The following ATP2C2 variants were observed in gnomAD, a reference collection of about 807,000 sequenced individuals.
ATP2C2 encodes calcium-transporting ATPase type 2C member 2.
A neutral mutation model predicts 110.8 loss-of-function variants in ATP2C2; 171 were observed. The observed-to-expected ratio is 1.54, with a 90% CI of 1.36 to 1.75. The LOEUF (loss-of-function observed/expected upper bound fraction) is 1.75, where lower values mean the gene tolerates loss of function less well. Among genes scored for constraint, ATP2C2 ranks in the 40% most tolerant of loss-of-function variants. The pLI is 0.00. For synonymous variants in ATP2C2, 804 were observed against 508.4 expected (o/e 1.58, Z -7.82); for missense variants, 1,963 against 1,235.0 (o/e 1.59, Z -8.84).
At chr16:84,387,465 TTG>T in intron 1 of ATP2C2, among the ~76,000 whole-genome samples, 1 of 152,210 alleles carries the variant, frequency 6.6e-6, no homozygotes, top group Non-Finnish European at 1.5e-5. Flanking sequence ...TGAGCCGAGA[TTG>T]CGCCATTGCA....
At chr16:84,375,449 A>G (rs1910194713) in intron 1 of ATP2C2, among the ~76,000 whole-genome samples, 1 of 152,062 alleles carries the variant, frequency 6.6e-6, no homozygotes, top group East Asian at 1.9e-4. Context: ...GCTGAGGCAG[A>G]AGAATCACTT....
At chr16:84,375,444 G>C (rs545557503) in intron 1 of ATP2C2, among the ~76,000 whole-genome samples, 2 of 152,106 alleles carry the variant, frequency 1.3e-5, no homozygotes, top group Admixed American at 1.3e-4. Flanking sequence ...GGGAGGCTGA[G>C]GCAGAAGAAT....
rs377539442 is a variant in ATP2C2 at position 84,402,247 on chromosome 16, A to G, written c.211-2881A>G. On this transcript the variant is annotated intron_variant, in intron 2 of 26. Coordinates refer to ENST00000262429, the MANE Select transcript of ATP2C2 (RefSeq NM_014861.4). ...GGAGTCTTTAGGTTTTTTCAGATAT[A>G]AGATCATATCATCTGCAAACAAGAA... Among the ~76,000 whole-genome samples the G allele has an allele frequency of 1.1e-4, 17 of 152,318 alleles. No individual in the cohort carries two copies. In the South Asian group the frequency reaches 1.9e-3, roughly 17 times the overall value.
chr16:84,377,762 C>G (rs1457513121), intron 1 of ATP2C2, among the ~76,000 whole-genome samples: 1 of 151,986 alleles, frequency 6.6e-6, no homozygotes. Flanking sequence ...AGTCCAACAC[C>G]ATGTTCTGTG....
chr16:84,448,745 T>A (rs1909993104), intron 17 of ATP2C2, 56 bp downstream of exon 17: 4 of 1,556,824 alleles, frequency 2.6e-6, no homozygotes, highest in Non-Finnish European at 2.6e-6. Flanking sequence ...CATTGACTTT[T>A]AAGTGCATTC....
chr16:84,382,594 T>C (rs906576453), intron 1 of ATP2C2, among the ~76,000 whole-genome samples: 46 of 152,158 alleles, frequency 3.0e-4, no homozygotes, highest in African/African-American at 1.0e-3. Flanking sequence ...AGGCTGACCA[T>C]AGACATGGCC....
intron 26 of ATP2C2, among the ~76,000 whole-genome samples, chr16:84,463,210 TCGC>T (rs879371700): frequency 0.11 from 2,333 of 21,812 alleles, 66 homozygotes; most frequent in African/African-American, 0.24. Context: ...AGGGAACATG[TCGC>T]TGGGAATTCA....
rs752496416 is a variant in ATP2C2, at chr16:84,439,516, C to T, written c.1201C>T (p.Arg401Cys). ...VTQLVTSDGL[R>C]AEVSGVGYDG... is the part of the protein sequence containing the mutation. ...CCAGCTTGTAACGTCAGATGGGCTT[C>T]GTGCCGAGGTGAGTGCCAAAGGAAT... The change falls in exon 13 of 27, where the codon CGT becomes TGT. Residue 401 changes from arginine to cysteine, a missense_variant. Transcript: ENST00000262429. The T allele has an allele frequency of 2.2e-5, 35 of 1,614,028 alleles. No individual in the cohort carries two copies. The highest frequency in any genetic ancestry group is 2.0e-4 in the Admixed American group (12 of 60,004).
intron 1 of ATP2C2, among the ~76,000 whole-genome samples, chr16:84,389,466 C>T (rs1425113094): frequency 1.3e-5 from 2 of 152,244 alleles, no homozygotes; most frequent in African/African-American, 4.8e-5. Flanking sequence ...GGTTGAATTT[C>T]AAACAATAAG....
chr16:84,459,766 A>C (rs1286666502), intron 23 of ATP2C2: 2 of 587,472 alleles, frequency 3.4e-6, no homozygotes, highest in Non-Finnish European at 6.0e-6. Flanking sequence ...AGGAAGATAC[A>C]CACAGACACA....
chr16:84,405,592 G>T (rs1183999654), intron 3 of ATP2C2, among the ~76,000 whole-genome samples: 2 of 152,158 alleles, frequency 1.3e-5, no homozygotes, highest in Non-Finnish European at 2.9e-5. Context: ...GAGTTGCCAG[G>T]TTTAGCAAAT....
At chr16:84,451,863 A>G in intron 17 of ATP2C2, 58 bp from the exon 18 acceptor site, 2 of 1,526,136 alleles carry the variant, frequency 1.3e-6, no homozygotes, top group African/African-American at 1.4e-5. Context: ...AACCAACAAC[A>G]AAAAACGACG....
Position 84,459,285 on chromosome 16 carries a change from G to A in ATP2C2, c.2232G>A (p.Leu744=), listed in dbSNP as rs188467730. 9.4e-4 allele frequency: 1,521 copies of A among 1,614,186 alleles called. 16 individuals carry two copies. The African/African-American group carries it at 0.018, about 19-fold the overall frequency. ...TGCCCCGCAGGAGCATCTCCGCCCT[G>A]AGTCTCATCACTCTGTCCACCGTGT... ...RFQLSTSISA[L]SLITLSTVFN... is the part of the protein sequence containing the mutation. The change falls in exon 23 of 27, where the codon CTG becomes CTA. Residue 744 remains leucine, a synonymous_variant. Coordinates refer to ENST00000262429, the MANE Select transcript of ATP2C2 (RefSeq NM_014861.4).
intron 14 of ATP2C2, among the ~76,000 whole-genome samples, chr16:84,441,184 G>A (rs1909223092): frequency 6.6e-6 from 1 of 152,220 alleles, no homozygotes; most frequent in Admixed American, 6.5e-5. Context: ...CGTTATCCCA[G>A]CACTTTGGGA....
chr16:84,382,778 C>T (rs994928016), intron 1 of ATP2C2, among the ~76,000 whole-genome samples: 4 of 152,180 alleles, frequency 2.6e-5, no homozygotes, highest in East Asian at 3.9e-4. Context: ...TGCCTGTAAT[C>T]CCAGCTACTT....
chr16:84,404,971 G>C (rs1426573685), intron 2 of ATP2C2, 157 bp from the exon 3 acceptor site: 1 of 738,344 alleles, frequency 1.4e-6, no homozygotes, highest in Non-Finnish European at 2.5e-6. Flanking sequence ...TGCCCCATCT[G>C]CACGGGGTCT....
In ATP2C2 at chr16:84,423,268, G is replaced by C. The variant is rs1198244672; in HGVS notation, c.919+5G>C. ...TCTTCTCCTTTGGCATAATCGGTGAGTGAAGCAGTTTCCATACTGGGTTTG... is the reference window on the plus strand; with the variant it reads ...TCTTCTCCTTTGGCATAATCGGTGACTGAAGCAGTTTCCATACTGGGTTTG... On this transcript the variant is annotated splice_donor_5th_base_variant and intron_variant, in intron 10 of 26. Transcript: ENST00000262429. 1 of 1,613,174 alleles carries C rather than the reference G, an allele frequency of 6.2e-7. No homozygotes were observed.
intron 3 of ATP2C2, among the ~76,000 whole-genome samples, chr16:84,406,019 AC>A (rs1905735690): frequency 6.6e-6 from 1 of 152,248 alleles, no homozygotes; most frequent in Admixed American, 6.5e-5. Context: ...TATACTAAAA[AC>A]AAAAAGTTCC....
chr16:84,388,982 G>T (rs1904488551), intron 1 of ATP2C2, among the ~76,000 whole-genome samples: 1 of 152,088 alleles, frequency 6.6e-6, no homozygotes, highest in Middle Eastern at 3.2e-3. Context: ...ATGTTACCCA[G>T]GATGGTCTCA....
Sources: gnomAD v4.1 joint callset for allele counts (sites outside exome capture counted in the v4.1 genomes callset) on GRCh38, gnomAD v4.1.1 for gene constraint, MANE v1.5 for transcripts, NCBI Gene and HGNC (gene_info 2026-07-23, HGNC 2026-07-21) for gene names.